NBAS: variants seen among roughly 807,000 people sequenced by gnomAD.
NBAS encodes the protein NAG/BC035112 fusion.
In NBAS, 219 loss-of-function variants were observed where a neutral mutation model predicts 302.5. The ratio of observed to expected loss-of-function variants is 0.72; its 90% CI spans 0.65 to 0.81. The LOEUF (loss-of-function observed/expected upper bound fraction) is 0.81, where lower values mean the gene tolerates loss of function less well. NBAS is among the 30% of genes least tolerant of loss of function. NBAS has a pLI of 0.00. For synonymous variants in NBAS, 1,118 were observed against 1,021.6 expected (o/e 1.09, Z -1.80); for missense variants, 2,932 against 2,841.6 (o/e 1.03, Z -0.72).
chr2:15,459,593 C>T (rs1036560955), intron 21 of NBAS, among the ~76,000 whole-genome samples: 1 of 150,696 alleles, frequency 6.6e-6, no homozygotes, highest in African/African-American at 2.4e-5. Context: ...CATTCTCCTG[C>T]CTCAGCCTCC....
the NBAS span, among the ~76,000 whole-genome samples, chr2:15,020,249 T>A: frequency 6.6e-6 from 1 of 152,240 alleles, no homozygotes; most frequent in South Asian, 2.1e-4. Context: ...TTTAAAATTA[T>A]GAAATTATTA....
Position 15,417,673 on chromosome 2 carries a change from G to A in NBAS, c.2617C>T (p.Arg873Trp), listed in dbSNP as rs897487519. ...ALSLIRLGME[R>W]NIPGLLVLCD... ...AGAACCAGCAAACCAGGAATATTCC[G>A]CTCCATCCCAAGTCGAATAAGTGAC... The change falls in exon 24 of 52, where the codon CGG becomes TGG. Residue 873 changes from arginine (R) to tryptophan (W), a missense_variant. Arg to Trp is a moderately radical substitution (Grantham distance 101). Transcript: ENST00000281513. 8.7e-6 allele frequency: 14 copies of A among 1,613,688 alleles called. No individual in the cohort carries two copies. The highest frequency in any genetic ancestry group is 2.7e-5 in the African/African-American group (2 of 74,818).
At chr2:15,374,894 C>G (rs1160392383) in intron 30 of NBAS, among the ~76,000 whole-genome samples, 174 bp from the exon 31 acceptor site, 1 of 152,166 alleles carries the variant, frequency 6.6e-6, no homozygotes, top group East Asian at 1.9e-4. Flanking sequence ...GGTAGGCAAA[C>G]ATCATCATCT....
chr2:15,265,035 T>C (rs1466931946), intron 44 of NBAS, among the ~76,000 whole-genome samples: 3 of 152,200 alleles, frequency 2.0e-5, no homozygotes, highest in Non-Finnish European at 4.4e-5. Context: ...CCACATCATA[T>C]GCAAACTTCT....
chr2:15,379,213 G>C (rs1674905656), intron 30 of NBAS, among the ~76,000 whole-genome samples: 1 of 148,090 alleles, frequency 6.8e-6, no homozygotes. Flanking sequence ...TTTTTCAAAA[G>C]ACTTATGCCC....
intron 44 of NBAS, among the ~76,000 whole-genome samples, chr2:15,256,186 C>T (rs1205517521): frequency 6.6e-6 from 1 of 152,152 alleles, no homozygotes; most frequent in Non-Finnish European, 1.5e-5. Flanking sequence ...TATCCTTGAG[C>T]ATGGGATGTG....
intron 44 of NBAS, among the ~76,000 whole-genome samples, chr2:15,267,054 AT>A (rs1167164531): frequency 6.6e-6 from 1 of 152,242 alleles, no homozygotes; most frequent in African/African-American, 2.4e-5. Context: ...ATCAATTTTA[AT>A]ATATACCAAA....
intron 38 of NBAS, among the ~76,000 whole-genome samples, chr2:15,311,708 A>G (rs1489407077): frequency 3.3e-5 from 5 of 152,206 alleles, no homozygotes; most frequent in Admixed American, 6.5e-5. Flanking sequence ...CTCAGCAATC[A>G]TTTGAATTAG....
In NBAS at chr2:15,516,218, G is replaced by A. The variant is rs556699836; in HGVS notation, c.747-4868C>T. 5.9e-5 allele frequency among the ~76,000 whole-genome samples: 9 copies of A among 152,204 alleles called. No individual in the cohort carries two copies. In the South Asian group the frequency reaches 1.7e-3, roughly 28 times the overall value. On this transcript the variant is annotated intron_variant, in intron 9 of 51. Transcript: ENST00000281513. The stretch of plus-strand genomic sequence containing the variant: ...TTGAATGCAATTTCACATAAATCCT[G>A]TAAGAATTTTTCATGGAACTGAACA...
chr2:15,282,688 G>C (rs1446303407), intron 42 of NBAS, among the ~76,000 whole-genome samples: 3 of 152,158 alleles, frequency 2.0e-5, no homozygotes, highest in Non-Finnish European at 2.9e-5. Context: ...AGATATTAGA[G>C]TGAAACCAAG....
At chr2:15,009,280 A>G in the NBAS span, among the ~76,000 whole-genome samples, 895 of 152,270 alleles carry the variant, frequency 5.9e-3, 8 homozygotes, top group South Asian at 0.02. Flanking sequence ...TACAATGGCA[A>G]TGTCAAGGAC....
the NBAS span, among the ~76,000 whole-genome samples, chr2:14,803,101 T>A: frequency 2.0e-5 from 3 of 152,116 alleles, no homozygotes. Context: ...TTTTTAAACT[T>A]TGTTAATCAG....
intron 51 of NBAS, among the ~76,000 whole-genome samples, chr2:15,178,715 T>A (rs1027863744): frequency 1.6e-4 from 25 of 152,188 alleles, no homozygotes; most frequent in African/African-American, 6.0e-4. Flanking sequence ...GAGACTAACA[T>A]CCTGCTTCTG....
chr2:14,783,771 C>A, the NBAS span, among the ~76,000 whole-genome samples: 1 of 152,034 alleles, frequency 6.6e-6, no homozygotes, highest in Non-Finnish European at 1.5e-5. Flanking sequence ...AATAGTGCGG[C>A]AATAAACATA....
At chr2:15,201,232 CAATA>C (rs375816323) in intron 48 of NBAS, among the ~76,000 whole-genome samples, 24 of 152,222 alleles carry the variant, frequency 1.6e-4, no homozygotes, top group African/African-American at 5.8e-4. Context: ...TTCATGAACA[CAATA>C]AAGTCATATT....
chr2:15,370,148 C>A (rs1481628996), intron 31 of NBAS, among the ~76,000 whole-genome samples: 1 of 152,180 alleles, frequency 6.6e-6, no homozygotes, highest in Admixed American at 6.5e-5. Context: ...GTTACAAATG[C>A]AGGTTCTTGA....
At chr2:15,204,097 A>G (rs759859852) in intron 48 of NBAS, among the ~76,000 whole-genome samples, 2 of 152,008 alleles carry the variant, frequency 1.3e-5, no homozygotes, top group Non-Finnish European at 2.9e-5. Context: ...CCCCATCTCT[A>G]CGAAAAATAT....
the NBAS span, among the ~76,000 whole-genome samples, chr2:15,089,929 T>C: frequency 2.0e-5 from 3 of 152,008 alleles, no homozygotes; most frequent in African/African-American, 7.2e-5. Context: ...TTGTATTTTT[T>C]AGTAGAGACG....
the NBAS span, among the ~76,000 whole-genome samples, chr2:15,104,800 A>ATTTCT: frequency 6.6e-6 from 1 of 152,152 alleles, no homozygotes; most frequent in African/African-American, 2.4e-5. Context: ...TCTAATGACC[A>ATTTCT]GTGACGATGA....
Sources: gnomAD v4.1 joint callset for allele counts (sites outside exome capture counted in the v4.1 genomes callset) on GRCh38, gnomAD v4.1.1 for gene constraint, MANE v1.5 for transcripts, NCBI Gene and HGNC (gene_info 2026-07-23, HGNC 2026-07-21) for gene names.